Variants in RBFOX1 observed in about 807,000 individuals in gnomAD.
RBFOX1 encodes the protein RNA binding fox-1 homolog 1.
In RBFOX1, 8 loss-of-function variants were observed where a neutral mutation model predicts 57.7. That is an observed-to-expected ratio of 0.14 (90% CI 0.08 to 0.25). The LOEUF is 0.25. Among genes scored for constraint, RBFOX1 ranks in the 10% least tolerant of loss-of-function variants. The pLI is 1.00. For synonymous variants in RBFOX1, 326 were observed against 222.4 expected (o/e 1.47, Z -4.15); for missense variants, 611 against 548.5 (o/e 1.11, Z -1.14).
At chr16:5,671,858 G>T (rs1438088064) in intron 3 of RBFOX1, among the ~76,000 whole-genome samples, 2 of 152,142 alleles carry the variant, frequency 1.3e-5, no homozygotes, top group Non-Finnish European at 2.9e-5. Context: ...GTGTGAGCTG[G>T]GGGTTGAAGG....
chr16:7,260,828 A>G (rs1011317308), intron 4 of RBFOX1, among the ~76,000 whole-genome samples: 4 of 152,212 alleles, frequency 2.6e-5, no homozygotes, highest in South Asian at 2.1e-4. Flanking sequence ...TTGCTTTTCT[A>G]TGAACCCCAG....
intron 2 of RBFOX1, among the ~76,000 whole-genome samples, chr16:6,396,065 C>CA (rs1165644198): frequency 0.16 from 9,479 of 60,698 alleles, 1,185 homozygotes; most frequent in African/African-American, 0.32. Flanking sequence ...GACTCCTTCT[C>CA]AAAAAAAAAA....
chr16:6,156,866 G>A (rs866867660), intron 1 of RBFOX1, among the ~76,000 whole-genome samples: 1 of 152,134 alleles, frequency 6.6e-6, no homozygotes, highest in African/African-American at 2.4e-5. Context: ...AAGAGACAGG[G>A]TCTTCTTACG....
intron 5 of RBFOX1, among the ~76,000 whole-genome samples, chr16:7,576,568 A>G (rs764570539): frequency 7.2e-5 from 11 of 152,226 alleles, no homozygotes; most frequent in Non-Finnish European, 1.2e-4. Flanking sequence ...GCATTTGTAT[A>G]TAAGCATACA....
At chr16:5,861,885 C>G (rs1287355115) in intron 3 of RBFOX1, among the ~76,000 whole-genome samples, 1 of 152,168 alleles carries the variant, frequency 6.6e-6, no homozygotes, top group Non-Finnish European at 1.5e-5. Flanking sequence ...AAAGACCATG[C>G]ATTCTCCCCA....
chr16:6,085,153 C>A (rs1296389091), intron 1 of RBFOX1, among the ~76,000 whole-genome samples: 1 of 152,174 alleles, frequency 6.6e-6, no homozygotes, highest in Non-Finnish European at 1.5e-5. Context: ...GCATGTTCTT[C>A]CTCCACAACT....
rs368769927 is a variant in RBFOX1, at chr16:5,935,022, T to G, written c.351+67687T>G. 8.9e-4 allele frequency among the ~76,000 whole-genome samples: 135 copies of G among 152,330 alleles called. 3 individuals carry two copies. In the South Asian group the frequency reaches 0.028, roughly 31 times the overall value. ...CTGCAGAATATCGAAGGGTCAATCTTTGGGCCACATGATTAAACAAGTGTC... is the reference window on the plus strand; with the variant it reads ...CTGCAGAATATCGAAGGGTCAATCTGTGGGCCACATGATTAAACAAGTGTC... On this transcript the variant is annotated intron_variant, in intron 4 of 19. Transcript: ENST00000641259.
At chr16:7,294,358 C>A (rs531785422) in intron 4 of RBFOX1, among the ~76,000 whole-genome samples, 73 of 152,176 alleles carry the variant, frequency 4.8e-4, no homozygotes, top group African/African-American at 1.3e-3. Context: ...AGGAAGGCTG[C>A]TATAGGAACT....
chr16:5,274,424 G>T (rs2063092031), intron 1 of RBFOX1, among the ~76,000 whole-genome samples: 2 of 152,186 alleles, frequency 1.3e-5, no homozygotes, highest in Non-Finnish European at 2.9e-5. Flanking sequence ...AGCTACTCTG[G>T]AGGCTGAAGC....
intron 2 of RBFOX1, among the ~76,000 whole-genome samples, chr16:5,565,262 T>TGTGTGTGCGTGTGTGCAC (rs2046023332): frequency 6.6e-6 from 1 of 150,966 alleles, no homozygotes; most frequent in South Asian, 2.1e-4. Flanking sequence ...AACTGGTGTG[T>TGTGTGTGCGTGTGTGCAC]GTGTGTGCGT....
intron 4 of RBFOX1, among the ~76,000 whole-genome samples, chr16:7,367,201 C>T (rs919304237): frequency 2.0e-5 from 3 of 152,118 alleles, no homozygotes; most frequent in East Asian, 3.9e-4. Context: ...CTGAGGCCCC[C>T]ACCCCCATCT....
At chr16:7,285,770 A>G (rs1253038849) in intron 4 of RBFOX1, among the ~76,000 whole-genome samples, 1 of 152,172 alleles carries the variant, frequency 6.6e-6, no homozygotes. Context: ...CAGTTTGTTT[A>G]ACCATTCATC....
chr16:6,391,262 C>G (rs1256188689), intron 2 of RBFOX1, among the ~76,000 whole-genome samples: 2 of 152,140 alleles, frequency 1.3e-5, no homozygotes, highest in Non-Finnish European at 2.9e-5. Context: ...GTAATCCCAG[C>G]ACTTTGGGAG....
chr16:6,222,052 T>G (rs1444883998), intron 1 of RBFOX1, among the ~76,000 whole-genome samples: 1 of 152,186 alleles, frequency 6.6e-6, no homozygotes, highest in African/African-American at 2.4e-5. Flanking sequence ...ACACCATATT[T>G]AAGAAGTATG....
At chr16:5,706,734 G>A (rs1475635943) in intron 3 of RBFOX1, among the ~76,000 whole-genome samples, 1 of 151,904 alleles carries the variant, frequency 6.6e-6, no homozygotes, top group Non-Finnish European at 1.5e-5. Context: ...TTTTTCCTAC[G>A]ATGGTTGATG....
At chr16:5,638,483 C>CT (rs2151322641) in intron 3 of RBFOX1, among the ~76,000 whole-genome samples, 1 of 152,270 alleles carries the variant, frequency 6.6e-6, no homozygotes, top group African/African-American at 2.4e-5. Context: ...ACTTTTCCCT[C>CT]TGCCTGCAGC....
chr16:5,611,979 A>T (rs1466734421), intron 3 of RBFOX1, among the ~76,000 whole-genome samples: 2 of 151,612 alleles, frequency 1.3e-5, no homozygotes, highest in Non-Finnish European at 2.9e-5. Context: ...TAAAATAAAA[A>T]CAGCCAGATG....
At chr16:6,361,343 G>A (rs1237473047) in intron 2 of RBFOX1, among the ~76,000 whole-genome samples, 1 of 152,054 alleles carries the variant, frequency 6.6e-6, no homozygotes, top group Admixed American at 6.6e-5. Context: ...AAAAGATCAT[G>A]GCTGGGCCAG....
intron 1 of RBFOX1, among the ~76,000 whole-genome samples, chr16:5,375,531 G>C (rs183087810): frequency 6.6e-6 from 1 of 152,180 alleles, no homozygotes; most frequent in Non-Finnish European, 1.5e-5. Flanking sequence ...GGACTGCGAG[G>C]TGTGTACATG....
Sources: allele counts gnomAD v4.1 joint callset (sites outside exome capture counted in the v4.1 genomes callset), GRCh38; gene constraint gnomAD v4.1.1; transcripts MANE v1.5; gene names NCBI Gene and HGNC (gene_info 2026-07-23, HGNC 2026-07-21).